MAP1B: variants seen among roughly 807,000 people sequenced by gnomAD.
The protein encoded by MAP1B is microtubule-associated protein 1B.
A neutral mutation model predicts 176.1 loss-of-function variants in MAP1B; 12 were observed. The ratio of observed to expected loss-of-function variants is 0.07; its 90% confidence interval spans 0.04 to 0.11. The LOEUF (loss-of-function observed/expected upper bound fraction) is 0.11. Among genes scored for constraint, MAP1B ranks in the 10% least tolerant of loss-of-function variants. The pLI is 1.00. For missense variants in MAP1B, 2,523 were observed against 2,990.5 expected (o/e 0.84, Z 3.65); for synonymous variants, 1,044 against 1,135.0 (o/e 0.92, Z 1.61).
At chr5:72,167,036 C>T (rs1368572341) in intron 2 of MAP1B, among the ~76,000 whole-genome samples, 16 of 143,788 alleles carry the variant, frequency 1.1e-4, no homozygotes, top group African/African-American at 3.9e-4. Flanking sequence ...TTTTTTTCCA[C>T]GGGAAATGGC....
intron 5 of MAP1B, among the ~76,000 whole-genome samples, chr5:72,203,056 TA>T (rs1747365023): frequency 1.3e-5 from 2 of 152,210 alleles, no homozygotes; most frequent in Admixed American, 1.3e-4. Context: ...AACTATTTGC[TA>T]GGTAGAATGT....
At chr5:72,116,024 A>G in intron 2 of MAP1B, 1 of 447,808 alleles carries the variant, frequency 2.2e-6, no homozygotes, top group Non-Finnish European at 4.1e-6. Flanking sequence ...TTTAAGTTCT[A>G]GGGTTGTGTA....
chr5:72,173,193 A>AT (rs1746578951), intron 2 of MAP1B, among the ~76,000 whole-genome samples: 1 of 152,120 alleles, frequency 6.6e-6, no homozygotes, highest in Non-Finnish European at 1.5e-5. Context: ...TACCTTAGCC[A>AT]TTTTTCTTAT....
intron 2 of MAP1B, among the ~76,000 whole-genome samples, chr5:72,178,737 TG>T (rs1746704002): frequency 6.7e-6 from 1 of 150,350 alleles, no homozygotes; most frequent in Non-Finnish European, 1.5e-5. Flanking sequence ...TGTGTGTGTG[TG>T]TGTGTGTGTG....
intron 2 of MAP1B, among the ~76,000 whole-genome samples, chr5:72,132,590 C>T (rs1049637643): frequency 6.6e-6 from 1 of 152,166 alleles, no homozygotes; most frequent in Admixed American, 6.5e-5. Context: ...GATTTAAATT[C>T]TGCTATTGCA....
intron 2 of MAP1B, among the ~76,000 whole-genome samples, chr5:72,171,515 A>G (rs1460122261): frequency 1.3e-5 from 2 of 152,124 alleles, no homozygotes; most frequent in African/African-American, 4.8e-5. Context: ...ACTTGAGCCC[A>G]GGAGGTCGAG....
At position 72,123,325 on chromosome 5, in the gene MAP1B, C is replaced by T. The variant is rs531356214; in HGVS notation, c.286+7526C>T. On this transcript the variant is annotated intron_variant, in intron 2 of 6. Coordinates refer to ENST00000296755, the MANE Select transcript of MAP1B (RefSeq NM_005909.5). The stretch of plus-strand genomic sequence containing the variant: ...TTTTAATCTCTTTTTGTTTTTGAGA[C>T]AGGTTCTCCCCTCTGTCACCCAGGC... Among the ~76,000 whole-genome samples the T allele has an allele frequency of 3.3e-5, 5 of 152,188 alleles. No homozygotes were observed. The South Asian group carries it at 1.0e-3, about 32-fold the overall frequency.
At chr5:72,168,095 G>C (rs1162102199) in intron 2 of MAP1B, among the ~76,000 whole-genome samples, 1 of 152,198 alleles carries the variant, frequency 6.6e-6, no homozygotes, top group African/African-American at 2.4e-5. Flanking sequence ...AGGGCCTCAG[G>C]CTTGCTCACC....
At position 72,192,236 on chromosome 5, in the gene MAP1B, T is replaced by C. The variant is rs187654572; in HGVS notation, c.511-1630T>C. On this transcript the variant is annotated intron_variant, in intron 4 of 6. Coordinates refer to ENST00000296755, the MANE Select transcript of MAP1B (RefSeq NM_005909.5). ...TGATGAGAGTCTCTGCTAACTATTG[T>C]ACAAAAAACCATATTTGATGCCCTA... 8.9e-4 allele frequency among the ~76,000 whole-genome samples: 136 copies of C among 152,322 alleles called. 1 individual carries two copies. The highest frequency in any genetic ancestry group is 3.1e-3 in the African/African-American group (129 of 41,580).
intron 4 of MAP1B, among the ~76,000 whole-genome samples, chr5:72,187,675 G>A (rs556713568): frequency 3.3e-5 from 5 of 152,250 alleles, no homozygotes; most frequent in South Asian, 2.1e-4. Context: ...GAAGGGCCAC[G>A]TGTCCTTCTG....
chr5:72,188,735 T>A (rs1408686281), intron 4 of MAP1B, among the ~76,000 whole-genome samples: 1 of 152,010 alleles, frequency 6.6e-6, no homozygotes, highest in Non-Finnish European at 1.5e-5. Context: ...GAAAAAAAAA[T>A]TTGCCCTAAC....
chr5:72,147,821 A>C (rs1280207625), intron 2 of MAP1B, among the ~76,000 whole-genome samples: 1 of 152,220 alleles, frequency 6.6e-6, no homozygotes, highest in African/African-American at 2.4e-5. Context: ...TGCTGACTAT[A>C]AAATGAACCA....
Position 72,197,469 on chromosome 5 carries a change from A to G in MAP1B, c.4114A>G (p.Asn1372Asp), listed in dbSNP as rs1747209095. 6.2e-7 allele frequency: 1 copy of G among 1,614,072 alleles called. No individual in the cohort carries two copies. Among genetic ancestry groups the G allele is most frequent in the Non-Finnish European group, 8.5e-7 (1 of 1,180,038 alleles). Reference protein sequence around the residue: ...SFEFSDAKDENERASVSPMDE... With the variant: ...SFEFSDAKDEDERASVSPMDE... ...TGAATTCAGTGATGCCAAAGATGAG[A>G]ATGAAAGGGCTTCAGTAAGCCCCAT... Residue 1372 changes from asparagine (N) to aspartate (D), a missense_variant, in exon 5 of 7, where the codon AAT (asparagine) becomes GAT (aspartate). By Grantham distance (23) the Asn-to-Asp change is conservative (BLOSUM62 1). This residue lies in a region of MAP1B where 1,925 missense variants were observed against 2,126.0 expected (regional missense o/e 0.91). Coordinates refer to ENST00000296755, the MANE Select transcript of MAP1B (RefSeq NM_005909.5).
intron 2 of MAP1B, among the ~76,000 whole-genome samples, chr5:72,122,323 G>GCAGA (rs1335395290): frequency 6.6e-6 from 1 of 152,050 alleles, no homozygotes; most frequent in Non-Finnish European, 1.5e-5. Flanking sequence ...CGCCCAAGCA[G>GCAGA]CAGACAGCCC....
intron 4 of MAP1B, chr5:72,193,263 T>C: frequency 2.4e-6 from 1 of 413,602 alleles, no homozygotes; most frequent in South Asian, 1.8e-5. Context: ...AGGTTTTTTC[T>C]TTTTTACATG....
In MAP1B at chr5:72,183,822, C is replaced by T. The variant is rs772542973; in HGVS notation, c.366C>T (p.Thr122=). The T allele has an allele frequency of 3.0e-5, 48 of 1,613,576 alleles. No individual in the cohort carries two copies. In the Admixed American group the frequency reaches 5.0e-4, roughly 17 times the overall value. The change falls in exon 3 of 7, where the codon ACC becomes ACT. Residue 122 remains threonine (T), a synonymous_variant. Transcript: ENST00000296755. The part of the protein sequence containing the change: ...LINPSDEAVS[T]EVRLMITDAA... ...ACCCTTCTGATGAAGCAGTCAGCAC[C>T]GAGGTAAGCATTCAGCTCTGTAGAA...
At chr5:72,127,269 G>T (rs1344420112) in intron 2 of MAP1B, among the ~76,000 whole-genome samples, 1 of 152,204 alleles carries the variant, frequency 6.6e-6, no homozygotes, top group African/African-American at 2.4e-5. Flanking sequence ...AGTACATGCA[G>T]ATATGAACAC....
At chr5:72,169,220 C>T (rs1199656705) in intron 2 of MAP1B, among the ~76,000 whole-genome samples, 4 of 152,092 alleles carry the variant, frequency 2.6e-5, no homozygotes, top group African/African-American at 9.7e-5. Context: ...ATCCAATGCG[C>T]GTGTGAGAAA....
At chr5:72,171,996 A>C (rs1746551187) in intron 2 of MAP1B, among the ~76,000 whole-genome samples, 1 of 152,236 alleles carries the variant, frequency 6.6e-6, no homozygotes, top group Admixed American at 6.5e-5. Context: ...AACACAATTC[A>C]TACAAACAAC....
Sources: gnomAD v4.1 joint callset for allele counts (sites outside exome capture counted in the v4.1 genomes callset) on GRCh38, gnomAD v4.1.1 for gene constraint, gnomAD v4.1.1 regional missense constraint, MANE v1.5 for transcripts, NCBI Gene and HGNC (gene_info 2026-07-23, HGNC 2026-07-21) for gene names.